FBN3: variants seen among roughly 807,000 people sequenced by gnomAD.
FBN3 encodes fibrillin 3, also known as fibrillin-3.
A neutral mutation model predicts 330.1 loss-of-function variants in FBN3; 234 were observed. The observed-to-expected ratio is 0.71, with a 90% CI of 0.64 to 0.79. The LOEUF is 0.79. Ranked by LOEUF, FBN3 falls within the 30% of genes least tolerant of loss-of-function variation. The probability of loss-of-function intolerance (pLI) is 0.00; values close to 1 mark genes in which losing one functional copy is unlikely to be tolerated. For missense variants in FBN3, 3,606 were observed against 3,886.9 expected (o/e 0.93, Z 1.92); for synonymous variants, 1,458 against 1,517.3 (o/e 0.96, Z 0.91).
intron 16 of FBN3, among the ~76,000 whole-genome samples, chr19:8,130,671 A>G (rs1362341251): frequency 1.6e-5 from 2 of 127,286 alleles, no homozygotes; most frequent in African/African-American, 6.8e-5. Flanking sequence ...AAAAGAAAAG[A>G]AAAGAAAAGA....
chr19:8,137,609 CTTATTTATTTAT>C (rs3075768), intron 10 of FBN3, among the ~76,000 whole-genome samples: 171 of 146,516 alleles, frequency 1.2e-3, no homozygotes, highest in Middle Eastern at 0.01. Flanking sequence ...CGAACTCTGA[CTTATTTATTTAT>C]TTATTTATTT....
intron 61 of FBN3, among the ~76,000 whole-genome samples, chr19:8,074,403 G>C (rs932167234): frequency 6.6e-6 from 1 of 152,134 alleles, no homozygotes; most frequent in Non-Finnish European, 1.5e-5. Context: ...TGGGAGAGCA[G>C]GGATAGCCAC....
intron 26 of FBN3, among the ~76,000 whole-genome samples, 165 bp from the exon 27 acceptor site, chr19:8,117,754 ACACT>A (rs2082738963): frequency 1.3e-5 from 2 of 152,034 alleles, no homozygotes; most frequent in South Asian, 4.1e-4. Flanking sequence ...ACATGCAAAT[ACACT>A]CACTCTCCTA....
intron 38 of FBN3, among the ~76,000 whole-genome samples, chr19:8,104,772 A>C (rs1027673601): frequency 3.5e-4 from 54 of 152,334 alleles, no homozygotes; most frequent in African/African-American, 1.2e-3. Flanking sequence ...CAATCTGCCA[A>C]TGTAGCAAGA....
In FBN3 at chr19:8,147,415, G is replaced by A. The variant is rs1163864191; in HGVS notation, c.66C>T (p.Ala22=). Residue 22 remains alanine (A), a synonymous_variant, in exon 2 of 64, where the codon GCC becomes GCT. Transcript: ENST00000600128. The stretch of plus-strand genomic sequence containing the variant: ...CTTGGCCACCTGCCATGCACAACAG[G>A]GCCGACCAGGCCAGCAGGAGCCGGG... The part of the protein sequence containing the change: ...PLARLLLAWS[A]LLCMAGGQGR... The A allele has an allele frequency of 1.3e-6, 2 of 1,591,392 alleles. No individual in the cohort carries two copies. Among genetic ancestry groups the A allele is most frequent in the Admixed American group, 3.5e-5 (2 of 56,344 alleles).
At position 8,115,582 on chromosome 19, in the gene FBN3, C is replaced by A. The variant is rs756737502; in HGVS notation, c.3771G>T (p.Thr1257=). Residue 1257 remains threonine (T), a synonymous_variant, in exon 30 of 64, where the codon ACG becomes ACT. Coordinates refer to ENST00000600128, the MANE Select transcript of FBN3 (RefSeq NM_032447.5). ...GACAGTGGCAGACAAAGGAACCCTT[C>A]GTGTTCTCGCAGTCCCCATGGAGGC... ...HICLHGDCEN[T]KGSFVCHCQL... is the part of the protein sequence containing the mutation. 6.2e-7 allele frequency: 1 copy of A among 1,614,046 alleles called. No individual in the cohort carries two copies. Among genetic ancestry groups the A allele is most frequent in the Non-Finnish European group, 8.5e-7 (1 of 1,180,006 alleles).
intron 1 of FBN3, 88 bp from the exon 2 acceptor site, chr19:8,147,585 C>T (rs146762586): frequency 0.016 from 19,302 of 1,188,930 alleles, 202 homozygotes; most frequent in Non-Finnish European, 0.019. Flanking sequence ...AGGGTGGTTG[C>T]CAAATGGGGC....
intron 14 of FBN3, among the ~76,000 whole-genome samples, chr19:8,132,360 A>T (rs891279568): frequency 6.7e-6 from 1 of 149,810 alleles, no homozygotes; most frequent in Non-Finnish European, 1.5e-5. Context: ...TTTTTTTTTT[A>T]GGTAGAAATG....
intron 3 of FBN3, 114 bp from the exon 4 acceptor site, chr19:8,146,339 T>A (rs1429510617): frequency 1.2e-6 from 1 of 829,576 alleles, no homozygotes; most frequent in African/African-American, 1.7e-5. Flanking sequence ...GTCATCTGCA[T>A]CCCCGGCTCT....
In FBN3 at chr19:8,089,900, G is replaced by C. The variant is rs1020669396; in HGVS notation, c.6244C>G (p.Arg2082Gly). ...HGAVPGPDDS[R>G]EDVNECAENP... The stretch of plus-strand genomic sequence containing the variant: ...ATGTGGGTGAGGGGCTCACCTTCTC[G>C]GGAGTCATCCGGGCCTGGGACTGCC... The change falls in exon 50 of 64, where the codon CGA becomes GGA. Residue 2082 changes from arginine (R) to glycine (G), a missense_variant. Transcript: ENST00000600128. The C allele has an allele frequency of 1.3e-6, 2 of 1,598,512 alleles. No individual in the cohort carries two copies. Among genetic ancestry groups the C allele is most frequent in the Non-Finnish European group, 8.5e-7 (1 of 1,173,638 alleles).
At chr19:8,141,612 G>A in intron 8 of FBN3, 105 bp downstream of exon 8, 1 of 1,301,980 alleles carries the variant, frequency 7.7e-7, no homozygotes, top group Non-Finnish European at 1.1e-6. Context: ...GTCAGAACTG[G>A]GCACCTCACC....
intron 29 of FBN3, 97 bp from the exon 30 acceptor site, chr19:8,115,737 C>A: frequency 7.1e-7 from 1 of 1,417,036 alleles, no homozygotes; most frequent in Non-Finnish European, 9.8e-7. Flanking sequence ...GCATTCCTGA[C>A]TGTCCCGCCG....
Position 8,147,512 on chromosome 19 carries a change from C to A in FBN3, c.-17-15G>T. On this transcript the variant is annotated splice_polypyrimidine_tract_variant and intron_variant, in intron 1 of 63. Transcript: ENST00000600128. ...TCCCCTGGAGGCTGCGGAGAGGAAG[C>A]AGAGTCAGCCCTAGATGAGCCCCCC... The A allele has an allele frequency of 2.8e-6, 4 of 1,434,932 alleles. No homozygotes were observed. Among genetic ancestry groups the A allele is most frequent in the East Asian group, 2.5e-5 (1 of 39,574 alleles). The allele number at this position is 1,434,932 out of a possible 1,614,324, so 88.9% of individuals were successfully genotyped here.
In FBN3 at chr19:8,135,813, T is replaced by G. The variant is rs1227860130; in HGVS notation, c.1591+148A>C. On this transcript the variant is annotated intron_variant, in intron 13 of 63. Coordinates refer to ENST00000600128, the MANE Select transcript of FBN3 (RefSeq NM_032447.5). ...GGGTGGTCAGGGGATAAGAAGAGTCTCAGGTGGGCTGCTGGGTTCAGAGGT... is the reference window on the plus strand; with the variant it reads ...GGGTGGTCAGGGGATAAGAAGAGTCGCAGGTGGGCTGCTGGGTTCAGAGGT... 9 of 785,388 alleles carry G rather than the reference T, an allele frequency of 1.1e-5. No individual in the cohort carries two copies. In the East Asian group the frequency reaches 2.4e-4, roughly 21 times the overall value. 48.7% of individuals were successfully genotyped at this position (785,388 alleles called of 1,614,324 possible).
chr19:8,107,549 T>C (rs1447001351), intron 37 of FBN3, among the ~76,000 whole-genome samples: 1 of 118,248 alleles, frequency 8.5e-6, no homozygotes, highest in Admixed American at 8.5e-5. Context: ...GGATGGATGG[T>C]CGGGTGGAAG....
At chr19:8,075,501 C>A in intron 59 of FBN3, 90 bp from the exon 60 acceptor site, 1 of 1,386,514 alleles carries the variant, frequency 7.2e-7, no homozygotes, top group Non-Finnish European at 9.9e-7. Flanking sequence ...TGTGTGGCTT[C>A]AGGCAAGTTG....
Position 8,131,536 on chromosome 19 carries a change from G to C in FBN3, c.1990+18C>G. The C allele has an allele frequency of 6.3e-7, 1 of 1,591,250 alleles. No homozygotes were observed. Among genetic ancestry groups the C allele is most frequent in the Non-Finnish European group, 8.6e-7 (1 of 1,166,150 alleles). On this transcript the variant is annotated intron_variant, in intron 15 of 63. Coordinates refer to ENST00000600128, the MANE Select transcript of FBN3 (RefSeq NM_032447.5). This position sits in a 1 kb window ranked among gnomAD's most constrained non-coding sequence, Gnocchi z 4.5. ...TCAGACCAAGGAGGCGATGGGGACC[G>C]GGCAGCCGGATGCTCACCGGAGTCT...
intron 22 of FBN3, among the ~76,000 whole-genome samples, chr19:8,124,474 G>T (rs982363032): frequency 2.6e-5 from 4 of 151,266 alleles, no homozygotes; most frequent in Admixed American, 1.3e-4. Flanking sequence ...TCGAACTCAA[G>T]TGATCTGCCC....
intron 37 of FBN3, among the ~76,000 whole-genome samples, chr19:8,106,588 T>A (rs945592718): frequency 6.6e-6 from 1 of 151,806 alleles, no homozygotes. Flanking sequence ...AATGGATGGA[T>A]GAGTGGATGG....
Sources: allele counts gnomAD v4.1 joint callset (sites outside exome capture counted in the v4.1 genomes callset), GRCh38; gene constraint gnomAD v4.1.1; non-coding constraint Gnocchi (gnomAD v3.1); transcripts MANE v1.5; gene names NCBI Gene and HGNC (gene_info 2026-07-23, HGNC 2026-07-21).